The following ASIC2 variants were observed in gnomAD, a reference collection of about 807,000 sequenced individuals.
The protein encoded by ASIC2 is acid sensing ion channel subunit 2.
Under a neutral mutation model 57.3 loss-of-function variants are expected in ASIC2, and 25 were observed. The ratio of observed to expected loss-of-function variants is 0.44; its 90% CI spans 0.32 to 0.61. The LOEUF is 0.61. Among genes scored for constraint, ASIC2 ranks in the 20% least tolerant of loss-of-function variants. The probability of loss-of-function intolerance (pLI) is 0.06; values close to 1 mark genes in which losing one functional copy is unlikely to be tolerated. For synonymous variants in ASIC2, 319 were observed against 307.5 expected (o/e 1.04, Z -0.39); for missense variants, 641 against 738.1 (o/e 0.87, Z 1.52).
chr17:33,662,054 C>T (rs192742884), intron 1 of ASIC2, among the ~76,000 whole-genome samples: 89 of 152,278 alleles, frequency 5.8e-4, no homozygotes, highest in African/African-American at 1.9e-3. Context: ...TCCTACTATG[C>T]ATTATGTCAG....
chr17:33,461,173 G>T (rs553385464), intron 1 of ASIC2, among the ~76,000 whole-genome samples: 1 of 152,308 alleles, frequency 6.6e-6, no homozygotes, highest in South Asian at 2.1e-4. Context: ...CAAATGCAAA[G>T]TTCACCCACC....
At chr17:33,458,288 G>A (rs1477212618) in intron 1 of ASIC2, among the ~76,000 whole-genome samples, 1 of 152,208 alleles carries the variant, frequency 6.6e-6, no homozygotes, top group African/African-American at 2.4e-5. Context: ...AGTAGATTGA[G>A]GATCATTGGA....
At chr17:33,549,066 A>G (rs1354505713) in intron 1 of ASIC2, among the ~76,000 whole-genome samples, 4 of 152,130 alleles carry the variant, frequency 2.6e-5, no homozygotes, top group East Asian at 1.9e-4. Context: ...CCACTTGAAC[A>G]TATATGCTAT....
rs923047851 is a variant in ASIC2, at chr17:33,558,209, G to A, written c.556-446142C>T. Among the ~76,000 whole-genome samples the A allele has an allele frequency of 3.4e-4, 51 of 152,090 alleles. 1 individual carries two copies. The highest frequency in any genetic ancestry group is 9.6e-4 in the African/African-American group (40 of 41,492). On this transcript the variant is annotated intron_variant, in intron 1 of 9. Coordinates refer to the ASIC2 transcript ENST00000359872. ...GATAAAAGAAAAGACAGCTGGGCCC[G>A]GGGGGCCACTACCAGTCCGACCCTG...
chr17:33,393,636 G>A (rs1314339421), intron 1 of ASIC2, among the ~76,000 whole-genome samples: 1 of 152,160 alleles, frequency 6.6e-6, no homozygotes, highest in East Asian at 1.9e-4. Context: ...CTATCTCATA[G>A]GGCTGTGGAG....
intron 1 of ASIC2, among the ~76,000 whole-genome samples, chr17:34,029,375 C>CAAA (rs60189628): frequency 1.3e-4 from 14 of 110,458 alleles, no homozygotes; most frequent in African/African-American, 2.6e-4. Context: ...GTGCTAAAAC[C>CAAA]AAAAAAAAAA....
chr17:33,191,758 C>A (rs536409488), intron 1 of ASIC2, among the ~76,000 whole-genome samples: 10 of 152,314 alleles, frequency 6.6e-5, no homozygotes, highest in East Asian at 5.8e-4. Flanking sequence ...GTCTTACAAA[C>A]TTCCTTGTTC....
chr17:33,891,589 G>T (rs975508598), intron 1 of ASIC2, among the ~76,000 whole-genome samples: 5 of 152,068 alleles, frequency 3.3e-5, no homozygotes, highest in African/African-American at 9.7e-5. Context: ...GTCACTTTAG[G>T]TTAATCCCAT....
At chr17:33,043,146 C>T (rs185463641) in intron 3 of ASIC2, among the ~76,000 whole-genome samples, 43 of 152,284 alleles carry the variant, frequency 2.8e-4, no homozygotes, top group Non-Finnish European at 5.9e-4. Flanking sequence ...AGAATGGCCT[C>T]GATCTCCTGA....
intron 1 of ASIC2, among the ~76,000 whole-genome samples, chr17:33,764,282 A>G (rs1210943191): frequency 6.7e-6 from 1 of 149,810 alleles, no homozygotes; most frequent in African/African-American, 2.5e-5. Flanking sequence ...GCGCCACTGC[A>G]CTCCAGCCTG....
At chr17:33,113,933 C>T (rs1469511763) in intron 1 of ASIC2, among the ~76,000 whole-genome samples, 1 of 152,232 alleles carries the variant, frequency 6.6e-6, no homozygotes, top group Non-Finnish European at 1.5e-5. Context: ...CATTGGGACA[C>T]TTCCTAGCCA....
intron 3 of ASIC2, among the ~76,000 whole-genome samples, chr17:33,043,051 CA>C (rs11289352): frequency 0.19 from 28,914 of 152,012 alleles, 2,840 homozygotes; most frequent in Non-Finnish European, 0.2. Flanking sequence ...CTCAGCCTCC[CA>C]AGCAGCTGGG....
At chr17:33,638,765 G>A (rs1226844982) in intron 1 of ASIC2, among the ~76,000 whole-genome samples, 1 of 151,496 alleles carries the variant, frequency 6.6e-6, no homozygotes, top group East Asian at 2.0e-4. Flanking sequence ...TTTTTTTCCT[G>A]GCAGCCCAAG....
intron 1 of ASIC2, among the ~76,000 whole-genome samples, chr17:34,040,045 CG>C (rs1908056042): frequency 6.8e-6 from 1 of 148,056 alleles, no homozygotes; most frequent in African/African-American, 2.5e-5. Context: ...CCGGGCTCCA[CG>C]AGAGGGCGGG....
At chr17:33,908,240 C>G (rs2141957493) in intron 1 of ASIC2, among the ~76,000 whole-genome samples, 1 of 152,290 alleles carries the variant, frequency 6.6e-6, no homozygotes, top group African/African-American at 2.4e-5. Context: ...TAGTTGTGGC[C>G]CCCTACTCTG....
intron 1 of ASIC2, among the ~76,000 whole-genome samples, chr17:33,510,923 T>C (rs182568006): frequency 3.9e-5 from 6 of 152,350 alleles, no homozygotes; most frequent in Admixed American, 1.3e-4. Flanking sequence ...CTGGGGGTCA[T>C]GCACCCTCCG....
chr17:33,635,447 G>A (rs1488623299), intron 1 of ASIC2, among the ~76,000 whole-genome samples: 1 of 152,204 alleles, frequency 6.6e-6, no homozygotes, highest in East Asian at 1.9e-4. Flanking sequence ...GTACTCTTAG[G>A]TTGGCTGGTC....
chr17:33,661,900 G>T (rs920128016), intron 1 of ASIC2, among the ~76,000 whole-genome samples: 4 of 152,082 alleles, frequency 2.6e-5, no homozygotes, highest in Non-Finnish European at 4.4e-5. Context: ...CTATTCATCC[G>T]CTGTAACCCA....
At chr17:33,594,552 G>C (rs2142006505) in intron 1 of ASIC2, among the ~76,000 whole-genome samples, 1 of 149,812 alleles carries the variant, frequency 6.7e-6, no homozygotes, top group East Asian at 2.0e-4. Context: ...GTTTAGGCTG[G>C]GCACAGTGGC....
Sources: allele counts gnomAD v4.1 joint callset (sites outside exome capture counted in the v4.1 genomes callset), GRCh38; gene constraint gnomAD v4.1.1; transcripts MANE v1.5; gene names NCBI Gene and HGNC (gene_info 2026-07-23, HGNC 2026-07-21).